DNAJC15: variants seen among roughly 807,000 people sequenced by gnomAD.
DNAJC15 encodes the protein dnaJ homolog subfamily C member 15.
In DNAJC15, 27 loss-of-function variants were observed where a neutral mutation model predicts 22.4. The observed-to-expected ratio is 1.20, with a 90% CI of 0.89 to 1.66. The LOEUF is 1.66. Among genes scored for constraint, DNAJC15 ranks in the 40% most tolerant of loss-of-function variants. The probability of loss-of-function intolerance (pLI) is 0.00; values close to 1 mark genes in which losing one functional copy is unlikely to be tolerated. For synonymous variants in DNAJC15, 79 were observed against 63.2 expected (o/e 1.25, Z -1.19); for missense variants, 208 against 187.1 (o/e 1.11, Z -0.65).
intron 5 of DNAJC15, among the ~76,000 whole-genome samples, chr13:43,098,757 C>T (rs750913593): frequency 2.6e-5 from 4 of 152,276 alleles, no homozygotes; most frequent in Non-Finnish European, 2.9e-5. Flanking sequence ...GTCTGTCTGT[C>T]CTTGTCCTAG....
intron 5 of DNAJC15, among the ~76,000 whole-genome samples, chr13:43,087,368 G>T (rs1029015678): frequency 1.1e-4 from 16 of 152,154 alleles, no homozygotes; most frequent in African/African-American, 3.6e-4. Flanking sequence ...AGGAATGTTG[G>T]AACTTCTCTC....
chr13:43,078,573 G>C, intron 3 of DNAJC15, 39 bp from the exon 4 acceptor site: 1 of 1,575,324 alleles, frequency 6.3e-7, no homozygotes, highest in East Asian at 2.3e-5. Context: ...CACCTCATAC[G>C]TGGAACTAAT....
At chr13:43,056,845 G>A (rs1249182259) in intron 1 of DNAJC15, among the ~76,000 whole-genome samples, 3 of 152,118 alleles carry the variant, frequency 2.0e-5, no homozygotes, top group African/African-American at 7.2e-5. Context: ...CTGGCTTTTG[G>A]TGTCCATTGT....
At chr13:43,081,438 A>ATTTATGATTT (rs2040660876) in intron 4 of DNAJC15, among the ~76,000 whole-genome samples, 1 of 145,450 alleles carries the variant, frequency 6.9e-6, no homozygotes, top group African/African-American at 2.5e-5. Context: ...AATGATGCAC[A>ATTTATGATTT]TTTATGATTT....
At chr13:43,089,882 C>T (rs189475442) in intron 5 of DNAJC15, among the ~76,000 whole-genome samples, 18 of 152,224 alleles carry the variant, frequency 1.2e-4, no homozygotes, top group African/African-American at 3.6e-4. Flanking sequence ...TAACTATATT[C>T]CTTTTTCACT....
In DNAJC15 at chr13:43,107,290, C is replaced by CA. The variant is rs530121565; in HGVS notation, c.*42_*43insA. ...TGAAGGAAAAAAAAAGAGGGGACTT[C>CA]GAAAAAAAAAAAAGCCCTGCAAAAT... On this transcript the variant is annotated 3_prime_UTR_variant, in exon 6 of 6. Coordinates refer to ENST00000379221, the MANE Select transcript of DNAJC15 (RefSeq NM_013238.3). 25,373 of 1,100,898 alleles carry CA rather than the reference C, an allele frequency of 0.023. 179 individuals are homozygous for CA. The highest frequency in any genetic ancestry group is 0.12 in the East Asian group (3,791 of 32,790). The allele number at this position is 1,100,898 out of a possible 1,614,324, so 68.2% of individuals were successfully genotyped here.
chr13:43,085,916 A>AT (rs1382987068), intron 5 of DNAJC15, 78 bp downstream of exon 5: 16 of 1,310,354 alleles, frequency 1.2e-5, no homozygotes, highest in Middle Eastern at 2.1e-4. Context: ...GTCATATATG[A>AT]TATATAGTTG....
At chr13:43,037,747 A>C (rs550680020) in intron 1 of DNAJC15, among the ~76,000 whole-genome samples, 51 of 152,344 alleles carry the variant, frequency 3.3e-4, no homozygotes, top group African/African-American at 1.2e-3. Flanking sequence ...AACTTAAAAA[A>C]ATTCTTATCA....
chr13:43,051,138 C>G (rs974827718), intron 1 of DNAJC15, among the ~76,000 whole-genome samples: 1 of 152,082 alleles, frequency 6.6e-6, no homozygotes, highest in South Asian at 2.1e-4. Flanking sequence ...CCACACCCAG[C>G]TAATTTTTTT....
intron 3 of DNAJC15, among the ~76,000 whole-genome samples, chr13:43,076,970 T>C (rs1566211449): frequency 6.6e-6 from 1 of 152,250 alleles, no homozygotes; most frequent in Non-Finnish European, 1.5e-5. Flanking sequence ...CCTCCTTGAC[T>C]GATTCCTCTC....
chr13:43,104,171 C>T (rs1196457805), intron 5 of DNAJC15, among the ~76,000 whole-genome samples: 1 of 152,100 alleles, frequency 6.6e-6, no homozygotes, highest in Non-Finnish European at 1.5e-5. Context: ...CCATAAGCTC[C>T]AAAGGTTCCT....
intron 1 of DNAJC15, 43 bp downstream of exon 1, chr13:43,023,777 T>G: frequency 6.5e-7 from 1 of 1,537,432 alleles, no homozygotes; most frequent in Non-Finnish European, 8.8e-7. Flanking sequence ...GGCTCCCTTG[T>G]AGTTTCTGCT....
At chr13:43,029,964 A>G (rs2040397235) in intron 1 of DNAJC15, among the ~76,000 whole-genome samples, 1 of 151,696 alleles carries the variant, frequency 6.6e-6, no homozygotes, top group African/African-American at 2.4e-5. Context: ...GAAATGTTAT[A>G]GAATGATGAA....
At chr13:43,077,460 T>C (rs1459311040) in intron 3 of DNAJC15, among the ~76,000 whole-genome samples, 1 of 152,238 alleles carries the variant, frequency 6.6e-6, no homozygotes, top group African/African-American at 2.4e-5. Context: ...TGGCTCATTG[T>C]AGTTATCCCA....
chr13:43,034,754 C>T (rs1251463514), intron 1 of DNAJC15, among the ~76,000 whole-genome samples: 1 of 152,134 alleles, frequency 6.6e-6, no homozygotes, highest in Non-Finnish European at 1.5e-5. Flanking sequence ...ATTGGGATCT[C>T]TTTCAGTTGA....
chr13:43,089,019 G>A (rs2040702181), intron 5 of DNAJC15, among the ~76,000 whole-genome samples: 2 of 152,104 alleles, frequency 1.3e-5, no homozygotes, highest in Non-Finnish European at 2.9e-5. Flanking sequence ...TAAAAGTGAA[G>A]AACGTGGCTT....
intron 3 of DNAJC15, among the ~76,000 whole-genome samples, chr13:43,071,892 T>C (rs1025069206): frequency 6.6e-6 from 1 of 152,242 alleles, no homozygotes; most frequent in Non-Finnish European, 1.5e-5. Context: ...ATAAGTCTTT[T>C]ATATGGAATG....
Position 43,062,238 on chromosome 13 carries a change from T to C in DNAJC15, c.109-3448T>C, listed in dbSNP as rs75138523. On this transcript the variant is annotated intron_variant, in intron 1 of 5. Transcript: ENST00000379221. ...ATGTTCCAGAACTCAGTGAGAGTTG[T>C]AGGCATGAAAGAGGAGCCTTCTCAA... Among the ~76,000 whole-genome samples the C allele has an allele frequency of 7.0e-3, 1,068 of 152,268 alleles. 66 individuals carry two copies. In the East Asian group the frequency reaches 0.16, roughly 23 times the overall value.
At chr13:43,102,603 C>G (rs1350418950) in intron 5 of DNAJC15, among the ~76,000 whole-genome samples, 1 of 151,972 alleles carries the variant, frequency 6.6e-6, no homozygotes, top group Non-Finnish European at 1.5e-5. Flanking sequence ...GAGAGAAACT[C>G]CGTCTCAAAA....
Sources: gnomAD v4.1 joint callset for allele counts (sites outside exome capture counted in the v4.1 genomes callset) on GRCh38, gnomAD v4.1.1 for gene constraint, MANE v1.5 for transcripts, NCBI Gene and HGNC (gene_info 2026-07-23, HGNC 2026-07-21) for gene names.